ASAH1: variants seen among roughly 807,000 people sequenced by gnomAD.
The protein encoded by ASAH1 is acid ceramidase.
Under a neutral mutation model 59.5 loss-of-function variants are expected in ASAH1, and 70 were observed. That is an observed-to-expected ratio of 1.18 (90% CI 0.97 to 1.43). ASAH1 has a LOEUF of 1.43. ASAH1 is among the 40% of genes most tolerant of loss of function. ASAH1 has a pLI of 0.00. For missense variants in ASAH1, 660 were observed against 482.5 expected (o/e 1.37, Z -3.45); for synonymous variants, 213 against 166.5 (o/e 1.28, Z -2.15).
chr8:18,084,751 G>C, upstream of ASAH1: 1 of 1,613,812 alleles, frequency 6.2e-7, no homozygotes, highest in Middle Eastern at 1.6e-4. Context: ...TTGGGTAGGA[G>C]GCCCGGTGGG....
Position 18,059,477 on chromosome 8 carries a change from G to A in ASAH1, c.918-13C>T, listed in dbSNP as rs547575890. 12 of 1,613,982 alleles carry A rather than the reference G, an allele frequency of 7.4e-6. No homozygotes were observed. The South Asian group carries it at 1.3e-4, about 18-fold the overall frequency. On this transcript the variant is annotated splice_polypyrimidine_tract_variant and intron_variant, in intron 11 of 13. Coordinates refer to ENST00000637790, the MANE Select transcript of ASAH1 (RefSeq NM_177924.5). ...CTTAGCATCGAGTCTAGATACAAAA[G>A]GAGAGATTCCCTCTTAGGCTACATG...
At chr8:18,062,051 G>A (rs1384903240) in intron 8 of ASAH1, 1 of 643,234 alleles carries the variant, frequency 1.6e-6, no homozygotes. Context: ...CCCAGCCCTT[G>A]ACACCCAGCC....
intron 5 of ASAH1, 109 bp downstream of exon 5, chr8:18,067,111 T>TGTATATCTAAGACATACAGCACCTGTGCC: frequency 4.0e-6 from 2 of 497,928 alleles, no homozygotes; most frequent in Non-Finnish European, 5.6e-6. Context: ...GCACCTGTGC[T>TGTATATCTAAGACATACAGCACCTGTGCC]GTATATCTAA....
intron 7 of ASAH1, chr8:18,062,897 G>GTC (rs1290433787): frequency 3.3e-6 from 1 of 300,088 alleles, no homozygotes; most frequent in Admixed American, 5.4e-5. Flanking sequence ...TTGAGATGGA[G>GTC]TCTGGCTCTG....
intron 2 of ASAH1, chr8:18,073,305 A>G: frequency 6.4e-7 from 1 of 1,565,024 alleles, no homozygotes; most frequent in South Asian, 1.2e-5. Flanking sequence ...AATAAAAAAA[A>G]CACTTAGCAG....
intron 1 of ASAH1, among the ~76,000 whole-genome samples, chr8:18,080,811 G>A (rs777252599): frequency 6.6e-6 from 1 of 152,170 alleles, no homozygotes; most frequent in Non-Finnish European, 1.5e-5. Context: ...GCCCACCTTG[G>A]CCTCCCAAAG....
intron 1 of ASAH1, chr8:18,076,195 T>C (rs930086744): frequency 6.4e-6 from 1 of 155,518 alleles, no homozygotes; most frequent in Non-Finnish European, 1.4e-5. Context: ...CTGCTGGTTC[T>C]AACTTCCAAG....
At chr8:18,059,775 A>T in intron 10 of ASAH1, 72 bp from the exon 11 acceptor site, 1 of 1,435,994 alleles carries the variant, frequency 7.0e-7, no homozygotes, top group Non-Finnish European at 9.5e-7. Flanking sequence ...TTTATTTTTA[A>T]ATTTTACTTT....
intron 2 of ASAH1, chr8:18,073,110 C>T (rs921299241): frequency 1.3e-6 from 1 of 770,414 alleles, no homozygotes; most frequent in East Asian, 2.9e-5. Flanking sequence ...TTTGAGAGAA[C>T]TGGTTAATCT....
intron 1 of ASAH1, 60 bp downstream of exon 1, chr8:18,083,921 G>T: frequency 6.4e-7 from 1 of 1,557,768 alleles, no homozygotes. Context: ...CCACACCTGC[G>T]CCTCCATCCG....
upstream of ASAH1, chr8:18,084,143 G>A (rs1318456831): frequency 1.0e-5 from 16 of 1,571,756 alleles, no homozygotes; most frequent in Non-Finnish European, 1.3e-5. Flanking sequence ...CGCCCCCTCC[G>A]CCGCGTGACC....
chr8:18,065,057 T>G (rs1799874309), intron 5 of ASAH1: 1 of 152,514 alleles, frequency 6.6e-6, no homozygotes, highest in South Asian at 2.1e-4. Context: ...AATTCAAAAG[T>G]AGGCAGCACA....
At position 18,057,735 on chromosome 8, in the gene ASAH1, A is replaced by G. The variant is rs916872846; in HGVS notation, c.1099-112T>C. The stretch of plus-strand genomic sequence containing the variant: ...TGCTTTAGAAGTTATTTAATATTAA[A>G]TAATATAACTTAATATATGCAAAGC... On this transcript the variant is annotated intron_variant, in intron 13 of 13. Transcript: ENST00000637790. 9.4e-6 allele frequency: 5 copies of G among 531,086 alleles called. No individual in the cohort carries two copies. The African/African-American group carries it at 1.3e-4, about 14-fold the overall frequency. 32.9% of individuals were successfully genotyped at this position (531,086 alleles called of 1,614,324 possible).
intron 1 of ASAH1, chr8:18,075,945 C>A: frequency 2.8e-6 from 1 of 352,162 alleles, no homozygotes; most frequent in Non-Finnish European, 5.4e-6. Flanking sequence ...ATTATCTGCA[C>A]TTACCAGCCA....
At chr8:18,074,639 C>A (rs1800315788) in intron 2 of ASAH1, among the ~76,000 whole-genome samples, 5 of 152,148 alleles carry the variant, frequency 3.3e-5, no homozygotes, top group Admixed American at 3.3e-4. Context: ...TCTGTACACT[C>A]TGAGGGGTCT....
At chr8:18,064,081 T>C (rs1188643377) in intron 6 of ASAH1, 2 of 359,192 alleles carry the variant, frequency 5.6e-6, no homozygotes, top group Non-Finnish European at 1.0e-5. Context: ...TGGGAGAATG[T>C]GTGTTCTGGG....
intron 5 of ASAH1, chr8:18,064,860 CTGGCTCT>C: frequency 4.1e-6 from 1 of 242,480 alleles, no homozygotes; most frequent in Non-Finnish European, 8.1e-6. Flanking sequence ...TTTAATACAT[CTGGCTCT>C]TGGCTGTTTG....
At chr8:18,076,984 G>A (rs554575431) in intron 1 of ASAH1, among the ~76,000 whole-genome samples, 2 of 152,316 alleles carry the variant, frequency 1.3e-5, no homozygotes, top group Admixed American at 1.3e-4. Context: ...CAAGTCTGTA[G>A]CAAAAGCTAA....
Position 18,063,230 on chromosome 8 carries a change from C to G in ASAH1, c.458G>C (p.Gly153Ala). ...CTSIVAEDKK[G>A]HLIHGRNMDF... ...CATGTTTCTCCCATGTATTAGATGA[C>G]CTATTTGAAGGTAGACAGAAGAGAC... Residue 153 changes from glycine to alanine, a missense_variant and splice_region_variant, in exon 7 of 14, where the codon GGT becomes GCT. Transcript: ENST00000637790. The G allele has an allele frequency of 6.2e-7, 1 of 1,613,216 alleles. No individual in the cohort carries two copies. The highest frequency in any genetic ancestry group is 8.5e-7 in the Non-Finnish European group (1 of 1,179,300).
Sources: gnomAD v4.1 joint callset for allele counts (sites outside exome capture counted in the v4.1 genomes callset) on GRCh38, gnomAD v4.1.1 for gene constraint, MANE v1.5 for transcripts, NCBI Gene and HGNC (gene_info 2026-07-23, HGNC 2026-07-21) for gene names.